AP3S2: variants seen among roughly 807,000 people sequenced by gnomAD.
AP3S2 encodes AP-3 complex subunit sigma-2.
AP3S2 carries 22 observed loss-of-function variants against 23.4 expected under a neutral mutation model. The ratio of observed to expected loss-of-function variants is 0.94; its 90% CI spans 0.67 to 1.34. The LOEUF is 1.34. Among genes scored for constraint, AP3S2 ranks in the 40% most tolerant of loss-of-function variants. The pLI, the probability that AP3S2 is intolerant of heterozygous loss-of-function variation, is 0.00. For missense variants in AP3S2, 241 were observed against 236.9 expected, an observed-to-expected ratio of 1.02 and a Z score of -0.11; for synonymous variants, 86 against 87.1, an observed-to-expected ratio of 0.99 and a Z score of 0.07.
At chr15:89,859,399 C>CTTTTTTT (rs58123055) in intron 4 of AP3S2, among the ~76,000 whole-genome samples, 2 of 118,046 alleles carry the variant, frequency 1.7e-5, no homozygotes, top group African/African-American at 3.4e-5. Context: ...TTCTTTCTTT[C>CTTTTTTT]TTTTTTTTTT....
chr15:89,853,431 A>G (rs1474731459), intron 4 of AP3S2, among the ~76,000 whole-genome samples: 1 of 152,254 alleles, frequency 6.6e-6, no homozygotes, highest in Non-Finnish European at 1.5e-5. Flanking sequence ...ACAAAAGAAA[A>G]ATGACATACC....
At position 89,833,519 on chromosome 15, in the gene AP3S2, C is replaced by G. The variant is rs1333859726; in HGVS notation, c.*1996G>C. ...GGGATAAGAATGCCTGTTGTAAGGA[C>G]AGTTGAATGATCTTGCTCATGCCAA... On this transcript the variant is annotated 3_prime_UTR_variant, in exon 6 of 6. Coordinates refer to ENST00000336418, the MANE Select transcript of AP3S2 (RefSeq NM_005829.5). 6.6e-6 allele frequency: 1 copy of G among 152,212 alleles called. No individual in the cohort carries two copies. The highest frequency in any genetic ancestry group is 1.5e-5 in the Non-Finnish European group (1 of 68,042). The allele number at this position is 152,212 out of a possible 1,614,324, so 9.4% of individuals were successfully genotyped here. A position where few individuals can be genotyped will look rare whatever the true frequency, so the allele number is the denominator to read the frequency against.
intron 4 of AP3S2, among the ~76,000 whole-genome samples, chr15:89,870,525 C>T (rs1027813710): frequency 2.6e-5 from 4 of 152,158 alleles, no homozygotes; most frequent in African/African-American, 9.7e-5. Context: ...GCATTCACTA[C>T]ATTAGCCTGG....
At chr15:89,836,616 A>G (rs1300605967) in intron 5 of AP3S2, among the ~76,000 whole-genome samples, 1 of 152,198 alleles carries the variant, frequency 6.6e-6, no homozygotes, top group Non-Finnish European at 1.5e-5. Flanking sequence ...CCCCACGTGG[A>G]GGGAACGGCA....
Position 89,835,475 on chromosome 15 carries a change from G to A in AP3S2, c.*40C>T. The stretch of plus-strand genomic sequence containing the variant: ...AGACGTGCTTGCCTTGCTTGTCTTT[G>A]CTTGTCTTAAGGACTCTATTTCAGG... On this transcript the variant is annotated 3_prime_UTR_variant, in exon 6 of 6. Transcript: ENST00000336418. 3 of 1,608,820 alleles carry A rather than the reference G, an allele frequency of 1.9e-6. No homozygotes were observed. Among genetic ancestry groups the A allele is most frequent in the Non-Finnish European group, 2.5e-6 (3 of 1,176,952 alleles).
chr15:89,871,247 G>A (rs779430205), intron 4 of AP3S2, among the ~76,000 whole-genome samples: 7 of 152,104 alleles, frequency 4.6e-5, no homozygotes, highest in Non-Finnish European at 1.0e-4. Context: ...GATGAACCAC[G>A]ATATAGGCCT....
intron 3 of AP3S2, chr15:89,877,087 T>C (rs1014834894): frequency 3.4e-5 from 10 of 297,272 alleles, no homozygotes; most frequent in South Asian, 1.5e-4. Context: ...AAATGTCATA[T>C]ATATGGAAAT....
At chr15:89,867,973 A>G (rs1229247510) in intron 4 of AP3S2, among the ~76,000 whole-genome samples, 9 of 139,624 alleles carry the variant, frequency 6.4e-5, no homozygotes, top group African/African-American at 1.1e-4. Context: ...CAGCCGTGCC[A>G]TCCGGGAGGG....
chr15:89,854,533 CCCCCGCCCGGCCAGCCG>C (rs1895763124), intron 4 of AP3S2, among the ~76,000 whole-genome samples: 2 of 91,266 alleles, frequency 2.2e-5, no homozygotes, highest in Admixed American at 9.5e-5. Flanking sequence ...GGGGGTCAGC[CCCCCGCCCGGCCAGCCG>C]CCCCGTCCGG....
chr15:89,840,479 G>C (rs1895301134), intron 4 of AP3S2, among the ~76,000 whole-genome samples: 1 of 152,128 alleles, frequency 6.6e-6, no homozygotes, highest in Non-Finnish European at 1.5e-5. Context: ...CCAGGCTGGA[G>C]TACAGTGGTG....
At chr15:89,856,391 T>C (rs1309049935) in intron 4 of AP3S2, among the ~76,000 whole-genome samples, 1 of 152,130 alleles carries the variant, frequency 6.6e-6, no homozygotes, top group Admixed American at 6.5e-5. Flanking sequence ...GGCGAAACCC[T>C]GTCTCTACTA....
chr15:89,860,218 GTTA>G (rs1567179519), intron 4 of AP3S2, among the ~76,000 whole-genome samples: 1 of 152,172 alleles, frequency 6.6e-6, no homozygotes, highest in African/African-American at 2.4e-5. Flanking sequence ...CAGTGGATGC[GTTA>G]TTTTTTCCTA....
At chr15:89,861,034 G>A (rs994518418) in intron 4 of AP3S2, among the ~76,000 whole-genome samples, 4 of 152,144 alleles carry the variant, frequency 2.6e-5, no homozygotes, top group Non-Finnish European at 5.9e-5. Flanking sequence ...CTGCTTCAAC[G>A]TCACAGGGTG....
chr15:89,839,374 C>T (rs1895270753), intron 4 of AP3S2, among the ~76,000 whole-genome samples: 1 of 152,114 alleles, frequency 6.6e-6, no homozygotes, highest in South Asian at 2.1e-4. Flanking sequence ...CTTTATTAAC[C>T]ACTGTTCTGT....
At chr15:89,864,356 C>CTTTTGATAAAA (rs1345633438) in intron 4 of AP3S2, among the ~76,000 whole-genome samples, 1 of 152,124 alleles carries the variant, frequency 6.6e-6, no homozygotes, top group Non-Finnish European at 1.5e-5. Flanking sequence ...GGAAAAAAAG[C>CTTTTGATAAAA]TTTTGATAAA....
At position 89,830,685 on chromosome 15, in the gene AP3S2, C is replaced by A. The variant is rs899087463; in HGVS notation, c.*4830G>T. The A allele has an allele frequency of 1.3e-5, 2 of 152,316 alleles. No individual in the cohort carries two copies. The highest frequency in any genetic ancestry group is 2.9e-5 in the Non-Finnish European group (2 of 68,084). The allele number at this position is 152,316 out of a possible 1,614,324, so 9.4% of individuals were successfully genotyped here. A position where few individuals can be genotyped will look rare whatever the true frequency, so the allele number is the denominator to read the frequency against. ...GATGCAGCACTGAACACGAGACAAG[C>A]CCCTGCCCTGGAGGGGCTTACATCC... On this transcript the variant is annotated 3_prime_UTR_variant, in exon 6 of 6. Coordinates refer to ENST00000336418, the MANE Select transcript of AP3S2 (RefSeq NM_005829.5).
At chr15:89,869,745 T>A (rs1896274031) in intron 4 of AP3S2, among the ~76,000 whole-genome samples, 1 of 151,904 alleles carries the variant, frequency 6.6e-6, no homozygotes, top group African/African-American at 2.4e-5. Flanking sequence ...ACCTTGTATT[T>A]AACAATTTGG....
chr15:89,851,278 G>A (rs1567176060), intron 4 of AP3S2, among the ~76,000 whole-genome samples: 1 of 152,050 alleles, frequency 6.6e-6, no homozygotes, highest in Non-Finnish European at 1.5e-5. Flanking sequence ...AGGCATCCAG[G>A]CAGAGGGAAT....
intron 4 of AP3S2, chr15:89,849,147 C>G (rs1895571827): frequency 6.6e-6 from 1 of 152,112 alleles, no homozygotes; most frequent in East Asian, 1.9e-4. Context: ...TAACAAGTAC[C>G]AGGCATACTT....
Sources: gnomAD v4.1 joint callset for allele counts (sites outside exome capture counted in the v4.1 genomes callset) on GRCh38, gnomAD v4.1.1 for gene constraint, MANE v1.5 for transcripts, NCBI Gene and HGNC (gene_info 2026-07-23, HGNC 2026-07-21) for gene names.